ARSL: variants seen among roughly 807,000 people sequenced by gnomAD.
ARSL encodes the protein arylsulfatase E (chondrodysplasia punctata 1).
A neutral mutation model predicts 31.1 loss-of-function variants in ARSL; 4 were observed. The ratio of observed to expected loss-of-function variants is 0.13; its 90% CI spans 0.06 to 0.29. The LOEUF (loss-of-function observed/expected upper bound fraction) is 0.29, where lower values mean the gene tolerates loss of function less well. ARSL is among the 10% of genes least tolerant of loss of function. ARSL has a pLI of 1.00. For missense variants in ARSL, 312 were observed against 497.8 expected (o/e 0.63, Z 3.55); for synonymous variants, 198 against 209.9 (o/e 0.94, Z 0.49).
chrX:2,959,626 A>G (rs1459609168), intron 2 of ARSL: 1 of 1,152,060 alleles, frequency 8.7e-7, no homozygotes, highest in East Asian at 3.3e-5. Flanking sequence ...AATGAAATAC[A>G]ATTCCTTCTG....
intron 6 of ARSL, among the ~76,000 whole-genome samples, chrX:2,946,637 C>T (rs1159685866): frequency 5.8e-5 from 6 of 103,991 alleles, no homozygotes; most frequent in Admixed American, 1.1e-4. Flanking sequence ...GGATTACAGG[C>T]GTGAGCCACC....
intron 5 of ARSL, among the ~76,000 whole-genome samples, chrX:2,952,565 G>C (rs983805098): frequency 9.0e-6 from 1 of 111,709 alleles, no homozygotes; most frequent in Non-Finnish European, 1.9e-5. Flanking sequence ...CATCACCTGG[G>C]GGGTAAGGGT....
At chrX:2,956,293 T>C (rs1390702517) in intron 3 of ARSL, among the ~76,000 whole-genome samples, 1 of 111,614 alleles carries the variant, frequency 9.0e-6, no homozygotes, top group Non-Finnish European at 1.9e-5. Context: ...TATTTTGGCA[T>C]TAGGAGGGTG....
At chrX:2,961,650 T>G (rs2089635990) in intron 1 of ARSL, among the ~76,000 whole-genome samples, 1 of 111,847 alleles carries the variant, frequency 8.9e-6, no homozygotes, top group South Asian at 3.7e-4. Flanking sequence ...GTAAAGAATC[T>G]CTATTCACAT....
At chrX:2,965,164 TAAAA>T (rs1020334015), upstream of ARSL, among the ~76,000 whole-genome samples, 1 of 110,974 alleles carries the variant, frequency 9.0e-6, no homozygotes, top group Non-Finnish European at 1.9e-5. Flanking sequence ...AAGATAAAAA[TAAAA>T]AAGAAAACAT....
intron 10 of ARSL, among the ~76,000 whole-genome samples, chrX:2,935,531 G>C: frequency 8.9e-6 from 1 of 111,920 alleles, no homozygotes; most frequent in Non-Finnish European, 1.9e-5. Context: ...GGTCTGCAGG[G>C]TGTGAAATGG....
Position 2,955,272 on chromosome X carries a change from A to C in ARSL, c.307+144T>G, listed in dbSNP as rs112504868. 20,261 of 790,137 alleles carry C rather than the reference A, an allele frequency of 0.026. 1,314 individuals carry two copies. The highest frequency in any genetic ancestry group is 0.25 in the African/African-American group (12,048 of 47,280). The allele number at this position is 790,137 out of a possible 1,213,427, so 65.1% of individuals were successfully genotyped here. ...GGAGCGGGGATCTTTTGAGCCCAGCATTTCAAGACCAGCATGGGCAAGATA... is the reference window on the plus strand; with the variant it reads ...GGAGCGGGGATCTTTTGAGCCCAGCCTTTCAAGACCAGCATGGGCAAGATA... On this transcript the variant is annotated intron_variant, in intron 4 of 10. Transcript: ENST00000381134.
chrX:2,958,173 T>G (rs138325310), intron 3 of ARSL, 101 bp downstream of exon 3: 3 of 1,068,290 alleles, frequency 2.8e-6, no homozygotes, highest in Middle Eastern at 2.6e-4. Context: ...ACTCTTGAAG[T>G]GTGAACTGCC....
chrX:2,953,164 C>T lies in ARSL; in HGVS notation c.409G>A (p.Gly137Ser). ...ATACCAATGAGTCCAGTGGCATAGC[C>T]TTTCTCTTTCAGTATTTTTGCAAAA... ...TTFAKILKEK[G>S]YATGLIGKWH... Residue 137 changes from glycine (G) to serine (S), a missense_variant, in exon 5 of 11, where the codon GGC (glycine) becomes AGC (serine). Gly to Ser is a moderately conservative substitution (Grantham distance 56). Transcript: ENST00000381134. 1 of 1,210,148 alleles carries T rather than the reference C, an allele frequency of 8.3e-7. No individual in the cohort carries two copies. Among genetic ancestry groups the T allele is most frequent in the Non-Finnish European group, 1.1e-6 (1 of 894,381 alleles).
At chrX:2,948,748 C>T (rs1040217983) in intron 6 of ARSL, among the ~76,000 whole-genome samples, 2 of 111,049 alleles carry the variant, frequency 1.8e-5, no homozygotes, top group Non-Finnish European at 3.8e-5. Flanking sequence ...GCCTCAGTCT[C>T]CCGAGTAGCT....
chrX:2,949,443 C>T lies in ARSL; in HGVS notation c.715G>A (p.Ala239Thr), dbSNP rs144630754. The change falls in exon 6 of 11, where the codon GCA becomes ACA. Residue 239 changes from alanine to threonine, a missense_variant. Coordinates refer to ENST00000381134, the MANE Select transcript of ARSL (RefSeq NM_000047.3). ...AGAGCACCCACAAAATAGGAGCTTGCGAGGAGGAGGACGGCCGAAAGGGCT... is the reference window on the plus strand; with the variant it reads ...AGAGCACCCACAAAATAGGAGCTTGTGAGGAGGAGGACGGCCGAAAGGGCT... ...WSALSAVLLL[A>T]SSYFVGALIV... 3.1e-4 allele frequency: 379 copies of T among 1,208,834 alleles called. 1 individual carries two copies. In the Middle Eastern group the frequency reaches 3.9e-3, roughly 12 times the overall value.
chrX:2,967,509 G>A (rs2089708188), upstream of ARSL, among the ~76,000 whole-genome samples: 1 of 111,673 alleles, frequency 9.0e-6, no homozygotes, highest in South Asian at 3.8e-4. Context: ...GCCTTTGGGA[G>A]GCCGAGATGG....
chrX:2,954,391 G>A lies in ARSL; in HGVS notation c.307+1025C>T, dbSNP rs760822873. On this transcript the variant is annotated intron_variant, in intron 4 of 10. Transcript: ENST00000381134. Reference sequence around the variant, plus strand: ...GCTCACTGCAATCTCCGCCTCCCGGGTTCAAGCAATTATACTGCCTCAGCC... The same window carrying A: ...GCTCACTGCAATCTCCGCCTCCCGGATTCAAGCAATTATACTGCCTCAGCC... Among the ~76,000 whole-genome samples the A allele has an allele frequency of 7.2e-5, 8 of 111,804 alleles. No homozygotes were observed. The East Asian group carries it at 2.3e-3, about 32-fold the overall frequency.
rs761019717 is a variant in ARSL at position 2,943,057 on chromosome X, A to G, written c.1126+8T>C. The stretch of plus-strand genomic sequence containing the variant: ...CAAGATGAAGATCTGGGAGCATCTC[A>G]GTCTTACCTTTATAAATTCCATTCC... On this transcript the variant is annotated splice_region_variant and intron_variant, in intron 8 of 10. Transcript: ENST00000381134. 3 of 1,210,848 alleles carry G rather than the reference A, an allele frequency of 2.5e-6. No individual in the cohort carries two copies. The South Asian group carries it at 5.3e-5, about 21-fold the overall frequency.
chrX:2,945,005 TAAG>T lies in ARSL; in HGVS notation c.991+990_991+992del, dbSNP rs368635699. ...GGAGGAGGAATATGAAGAAGAAGAA[TAAG>T]AAGAAGAAGAAGAAGAAGAGGGGGA... is the stretch of plus-strand genomic sequence containing the variant. On this transcript the variant is annotated intron_variant, in intron 7 of 10. Coordinates refer to ENST00000381134, the MANE Select transcript of ARSL (RefSeq NM_000047.3). Among the ~76,000 whole-genome samples the T allele has an allele frequency of 7.7e-3, 732 of 95,265 alleles. 5 individuals carry two copies. The highest frequency in any genetic ancestry group is 0.022 in the African/African-American group (577 of 25,653). 82.7% of individuals were successfully genotyped at this position (95,265 alleles called of 115,157 possible).
At chrX:2,944,194 C>A (rs3753141) in intron 7 of ARSL, among the ~76,000 whole-genome samples, 9 of 108,410 alleles carry the variant, frequency 8.3e-5, no homozygotes, top group South Asian at 4.0e-4. Context: ...AGTGGCTCAT[C>A]CCTGTAATCC....
At position 2,955,449 on chromosome X, in the gene ARSL, C is replaced by A. The variant is rs766513711; in HGVS notation, c.274G>T (p.Ala92Ser). 9 of 1,210,457 alleles carry A rather than the reference C, an allele frequency of 7.4e-6. No homozygotes were observed. In the African/African-American group the frequency reaches 1.4e-4, roughly 19 times the overall value. ...AASLCTPSRA[A>S]FLTGRYPVRS... Reference sequence around the variant, plus strand: ...ACAGGGTATCTGCCCGTGAGGAAGGCGGCTCTGCTTGGGGTGCACAAAGAT... The same window carrying A: ...ACAGGGTATCTGCCCGTGAGGAAGGAGGCTCTGCTTGGGGTGCACAAAGAT... The change falls in exon 4 of 11, where the codon GCC becomes TCC. Residue 92 changes from alanine to serine, a missense_variant. By Grantham distance (99) the Ala-to-Ser change is moderately conservative (BLOSUM62 1). Transcript: ENST00000381134.
chrX:2,961,521 A>T (rs1396725499), intron 1 of ARSL, among the ~76,000 whole-genome samples: 1 of 112,238 alleles, frequency 8.9e-6, no homozygotes. Flanking sequence ...TGACTCTGGC[A>T]TAACATGAGA....
chrX:2,965,427 G>A (rs1011923410), upstream of ARSL, among the ~76,000 whole-genome samples: 4 of 109,571 alleles, frequency 3.7e-5, no homozygotes, highest in East Asian at 5.7e-4. Context: ...CTTGAACCCC[G>A]GAGTCGGAGG....
Sources: allele counts gnomAD v4.1 joint callset (sites outside exome capture counted in the v4.1 genomes callset), GRCh38; gene constraint gnomAD v4.1.1; transcripts MANE v1.5; gene names NCBI Gene and HGNC (gene_info 2026-07-23, HGNC 2026-07-21).